FEM1C: variants seen among roughly 807,000 people sequenced by gnomAD.
FEM1C encodes protein fem-1 homolog C.
FEM1C carries 15 observed loss-of-function variants against 37.6 expected under a neutral mutation model. The observed-to-expected ratio is 0.40, with a 90% CI of 0.27 to 0.61. The LOEUF is 0.61. Among genes scored for constraint, FEM1C ranks in the 20% least tolerant of loss-of-function variants. The pLI is 0.42. For synonymous variants in FEM1C, 287 were observed against 272.8 expected, an observed-to-expected ratio of 1.05 and a Z score of -0.51; for missense variants, 532 against 749.7, an observed-to-expected ratio of 0.71 and a Z score of 3.39.
At chr5:115,539,875 C>T (rs756257363) in intron 2 of FEM1C, among the ~76,000 whole-genome samples, 5 of 152,004 alleles carry the variant, frequency 3.3e-5, no homozygotes, top group Non-Finnish European at 7.4e-5. Context: ...TGCCAATAGC[C>T]TGTTAAAAAG....
intron 2 of FEM1C, 31 bp from the exon 3 acceptor site, chr5:115,525,648 A>T: frequency 6.4e-7 from 1 of 1,558,668 alleles, no homozygotes; most frequent in Non-Finnish European, 8.7e-7. Context: ...AAGAAATAAC[A>T]TACATTGAGG....
intron 2 of FEM1C, among the ~76,000 whole-genome samples, chr5:115,539,715 A>G (rs1188349990): frequency 6.6e-6 from 1 of 152,062 alleles, no homozygotes; most frequent in African/African-American, 2.4e-5. Context: ...CAATCAAACC[A>G]TGAGCTCCTC....
chr5:115,533,374 T>C (rs1358869623), intron 2 of FEM1C, among the ~76,000 whole-genome samples: 1 of 152,066 alleles, frequency 6.6e-6, no homozygotes, highest in African/African-American at 2.4e-5. Flanking sequence ...GTAAATATTT[T>C]GCTATGTCAG....
At chr5:115,529,830 T>C (rs139575534) in intron 2 of FEM1C, among the ~76,000 whole-genome samples, 3 of 151,966 alleles carry the variant, frequency 2.0e-5, no homozygotes, top group Non-Finnish European at 2.9e-5. Context: ...CTAGAATAAC[T>C]ACTAAAATAA....
chr5:115,524,080 T>C lies in FEM1C; in HGVS notation c.*228A>G, dbSNP rs573234640. The C allele has an allele frequency of 1.9e-4, 85 of 444,516 alleles. No homozygotes were observed. Among genetic ancestry groups the C allele is most frequent in the East Asian group, 7.6e-4 (19 of 24,928 alleles). The allele number at this position is 444,516 out of a possible 1,614,324, so 27.5% of individuals were successfully genotyped here. On this transcript the variant is annotated 3_prime_UTR_variant, in exon 3 of 3. Transcript: ENST00000274457. ...GCCTTTGGCAGACAATTTTAGAAAT[T>C]TGAATGTTACATTTCTCAATAATTC...
In FEM1C at chr5:115,521,478, T is replaced by C. The variant is rs576097742; in HGVS notation, c.*2830A>G. 3.9e-5 allele frequency: 6 copies of C among 151,940 alleles called. No individual in the cohort carries two copies. The South Asian group carries it at 1.2e-3, about 31-fold the overall frequency. The allele number at this position is 151,940 out of a possible 1,614,324, so 9.4% of individuals were successfully genotyped here. ...GGTTTATGCCTGTCAGATTTATGAATAAGAAAAATGACTATTTTTAAGTCT... is the reference window on the plus strand; with the variant it reads ...GGTTTATGCCTGTCAGATTTATGAACAAGAAAAATGACTATTTTTAAGTCT... On this transcript the variant is annotated 3_prime_UTR_variant, in exon 3 of 3. Transcript: ENST00000274457.
In FEM1C at chr5:115,529,843, G is replaced by A. The variant is rs113379220; in HGVS notation, c.545-4226C>T. 7.0e-3 allele frequency among the ~76,000 whole-genome samples: 1,056 copies of A among 151,932 alleles called. 15 individuals are homozygous for A. Among genetic ancestry groups the A allele is most frequent in the African/African-American group, 0.024 (1,002 of 41,500 alleles). ...ATCTAGAATAACTACTAAAATAATAGAGGGTATGCACATAACTACATTTTC... is the reference window on the plus strand; with the variant it reads ...ATCTAGAATAACTACTAAAATAATAAAGGGTATGCACATAACTACATTTTC... On this transcript the variant is annotated intron_variant, in intron 2 of 2. Transcript: ENST00000274457.
rs139287818 is a variant in FEM1C at position 115,529,609 on chromosome 5, A to G, written c.545-3992T>C. On this transcript the variant is annotated intron_variant, in intron 2 of 2. Coordinates refer to ENST00000274457, the MANE Select transcript of FEM1C (RefSeq NM_020177.3). ...GATATAGGCAAAAACATCAACAAAA[A>G]GGGTAAATTTGTGAGTACATCTAAA... Among the ~76,000 whole-genome samples, 6 of 152,224 alleles carry G rather than the reference A, an allele frequency of 3.9e-5. No individual in the cohort carries two copies. The East Asian group carries it at 1.2e-3, about 29-fold the overall frequency.
Position 115,524,553 on chromosome 5 carries a change from G to A in FEM1C, c.1609C>T (p.Leu537Phe), listed in dbSNP as rs904682447. The A allele has an allele frequency of 7.4e-6, 12 of 1,613,442 alleles. No homozygotes were observed. The highest frequency in any genetic ancestry group is 9.3e-6 in the Non-Finnish European group (11 of 1,179,668). ...DDNSPLHIAALNNHPDIMNLL... is the reference protein window; with the variant it reads ...DDNSPLHIAAFNNHPDIMNLL... ...TTCATGATGTCTGGATGGTTGTTAA[G>A]AGCAGCGATATGCAGGGGACTGTTG... The change falls in exon 3 of 3, where the codon CTT becomes TTT. Residue 537 changes from leucine to phenylalanine, a missense_variant. This residue lies in a region of FEM1C where 237 missense variants were observed against 260.5 expected (regional missense o/e 0.91). Coordinates refer to ENST00000274457, the MANE Select transcript of FEM1C (RefSeq NM_020177.3).
chr5:115,534,859 G>C (rs1754092043), intron 2 of FEM1C, among the ~76,000 whole-genome samples: 1 of 151,896 alleles, frequency 6.6e-6, no homozygotes, highest in African/African-American at 2.4e-5. Context: ...TACCTACGCT[G>C]CTGGTCCTTG....
rs1580376928 is a variant in FEM1C at position 115,524,787 on chromosome 5, G to C, written c.1375C>G (p.Leu459Val). ...ICLLEKVPCT[L>V]EQDHFKKQTI... ...TGCTTTTTGAAATGGTCTTGTTCTA[G>C]AGTACAAGGAACTTTCTCTAACAAG... The change falls in exon 3 of 3, where the codon CTA (leucine) becomes GTA (valine). Residue 459 changes from leucine (L) to valine (V), a missense_variant. Coordinates refer to ENST00000274457, the MANE Select transcript of FEM1C (RefSeq NM_020177.3). 1 of 1,584,850 alleles carries C rather than the reference G, an allele frequency of 6.3e-7. No individual in the cohort carries two copies. Among genetic ancestry groups the C allele is most frequent in the East Asian group, 2.2e-5 (1 of 44,752 alleles).
Position 115,524,406 on chromosome 5 carries a change from A to G in FEM1C, c.1756T>C (p.Leu586=), listed in dbSNP as rs1173617526. 1.9e-6 allele frequency: 3 copies of G among 1,613,468 alleles called. No individual in the cohort carries two copies. Among genetic ancestry groups the G allele is most frequent in the East Asian group, 2.2e-5 (1 of 44,872 alleles). ...NLIQPINHTT[L]QCLAARVIVN... is the part of the protein sequence containing the mutation. The stretch of plus-strand genomic sequence containing the variant: ...ATGACACGAGCAGCAAGACACTGCA[A>G]TGTGGTATGATTTATAGGCTGGATT... Residue 586 remains leucine, a synonymous_variant, in exon 3 of 3, where the codon TTG becomes CTG. Transcript: ENST00000274457.
At chr5:115,533,703 T>C (rs1298555309) in intron 2 of FEM1C, among the ~76,000 whole-genome samples, 1 of 151,934 alleles carries the variant, frequency 6.6e-6, no homozygotes, top group Non-Finnish European at 1.5e-5. Flanking sequence ...ATGTCTTCTT[T>C]TCGCATTCTC....
chr5:115,525,364 C>T lies in FEM1C; in HGVS notation c.798G>A (p.Leu266=). The T allele has an allele frequency of 6.2e-7, 1 of 1,613,654 alleles. No individual in the cohort carries two copies. Among genetic ancestry groups the T allele is most frequent in the Non-Finnish European group, 8.5e-7 (1 of 1,179,812 alleles). The change falls in exon 3 of 3, where the codon TTG becomes TTA. Residue 266 remains leucine, a synonymous_variant. Coordinates refer to ENST00000274457, the MANE Select transcript of FEM1C (RefSeq NM_020177.3). ...TGTTCATTGCCTTTTTCCAGTATTT[C>T]AAAGCCCCAAGCAGATCTCTTTTTT... ...VDKKRDLLGA[L]KYWKKAMNMR...
intron 2 of FEM1C, among the ~76,000 whole-genome samples, chr5:115,526,148 A>G (rs1166443581): frequency 6.6e-6 from 1 of 152,118 alleles, no homozygotes; most frequent in Non-Finnish European, 1.5e-5. Flanking sequence ...GGTGTGAGCC[A>G]CAATGCCTGG....
Position 115,524,816 on chromosome 5 carries a change from A to G in FEM1C, c.1346T>C (p.Ile449Thr), listed in dbSNP as rs199819294. ...ACAAGGAACTTTCTCTAACAAGCAAATTAAGTGCAAAATAATAGAAAGGGC... is the reference window on the plus strand; with the variant it reads ...ACAAGGAACTTTCTCTAACAAGCAAGTTAAGTGCAAAATAATAGAAAGGGC... ...NKALSIILHL[I>T]CLLEKVPCTL... is the part of the protein sequence containing the mutation. The change falls in exon 3 of 3, where the codon ATT becomes ACT. Residue 449 changes from isoleucine to threonine, a missense_variant. By Grantham distance (89) the Ile-to-Thr change is moderately conservative. Transcript: ENST00000274457. The G allele has an allele frequency of 8.8e-5, 141 of 1,605,368 alleles. No individual in the cohort carries two copies. In the East Asian group the frequency reaches 3.1e-3, roughly 35 times the overall value.
rs775097440 is a variant in FEM1C at position 115,525,222 on chromosome 5, C to T, written c.940G>A (p.Asp314Asn). Residue 314 changes from aspartate to asparagine, a missense_variant, in exon 3 of 3, where the codon GAT becomes AAT. Asp to Asn is a conservative substitution (Grantham distance 23). This residue lies in a region of FEM1C where 221 missense variants were observed against 404.1 expected (regional missense o/e 0.55). Coordinates refer to ENST00000274457, the MANE Select transcript of FEM1C (RefSeq NM_020177.3). ...GCCTGCATTCTCATCTCATCAGGATCAGCAATAAGACCTTCTAGCTCTTCT... is the reference window on the plus strand; with the variant it reads ...GCCTGCATTCTCATCTCATCAGGATTAGCAATAAGACCTTCTAGCTCTTCT... The part of the protein sequence containing the change: ...SAEELEGLIA[D>N]PDEMRMQALL... 6.2e-7 allele frequency: 1 copy of T among 1,613,428 alleles called. No individual in the cohort carries two copies. Among genetic ancestry groups the T allele is most frequent in the East Asian group, 2.2e-5 (1 of 44,876 alleles).
intron 2 of FEM1C, among the ~76,000 whole-genome samples, chr5:115,539,319 C>G (rs1754192906): frequency 6.6e-6 from 1 of 151,972 alleles, no homozygotes; most frequent in Admixed American, 6.6e-5. Context: ...CTGCAAAGTT[C>G]TAAGTCCAAA....
At chr5:115,528,304 C>G (rs1031851441) in intron 2 of FEM1C, among the ~76,000 whole-genome samples, 5 of 152,068 alleles carry the variant, frequency 3.3e-5, no homozygotes, top group African/African-American at 1.2e-4. Context: ...CTAGAGAGGT[C>G]AAGTCCAGAA....
Sources: gnomAD v4.1 joint callset for allele counts (sites outside exome capture counted in the v4.1 genomes callset) on GRCh38, gnomAD v4.1.1 for gene constraint, gnomAD v4.1.1 regional missense constraint, MANE v1.5 for transcripts, NCBI Gene and HGNC (gene_info 2026-07-23, HGNC 2026-07-21) for gene names.